The following RORA variants were observed in gnomAD, a reference collection of about 807,000 sequenced individuals.
RORA encodes nuclear receptor ROR-alpha.
RORA carries 7 observed loss-of-function variants against 69.5 expected under a neutral mutation model. The ratio of observed to expected loss-of-function variants is 0.10; its 90% CI spans 0.06 to 0.19. The LOEUF (loss-of-function observed/expected upper bound fraction) is 0.19. RORA is among the 10% of genes least tolerant of loss of function. RORA has a pLI of 1.00. For synonymous variants in RORA, 261 were observed against 240.8 expected (o/e 1.08, Z -0.78); for missense variants, 457 against 663.0 (o/e 0.69, Z 3.41).
intron 1 of RORA, among the ~76,000 whole-genome samples, chr15:60,898,531 A>ATAAC (rs61162718): frequency 6.6e-6 from 1 of 151,212 alleles, no homozygotes; most frequent in African/African-American, 2.4e-5. Context: ...AAATAAATAA[A>ATAAC]TAAATAAATA....
chr15:61,118,579 G>A (rs1184643074), intron 1 of RORA, among the ~76,000 whole-genome samples: 1 of 152,068 alleles, frequency 6.6e-6, no homozygotes, highest in Non-Finnish European at 1.5e-5. Flanking sequence ...ATTTAGGCAC[G>A]GGGCCCCGAG....
chr15:61,088,054 A>G (rs2078651495), intron 1 of RORA, among the ~76,000 whole-genome samples: 1 of 152,220 alleles, frequency 6.6e-6, no homozygotes, highest in African/African-American at 2.4e-5. Context: ...ATTCGGATCT[A>G]CAGAGGGTTA....
chr15:60,964,622 G>A (rs1446243300), intron 1 of RORA, among the ~76,000 whole-genome samples: 2 of 152,082 alleles, frequency 1.3e-5, no homozygotes, highest in Admixed American at 6.5e-5. Flanking sequence ...GCTGCCTTGT[G>A]GCAAATGCAG....
chr15:60,599,097 G>A (rs1292641651), intron 2 of RORA, among the ~76,000 whole-genome samples: 3 of 152,222 alleles, frequency 2.0e-5, no homozygotes, highest in African/African-American at 4.8e-5. Flanking sequence ...TGCCATGTAA[G>A]TCAAGAATAA....
intron 1 of RORA, among the ~76,000 whole-genome samples, chr15:60,871,426 A>T (rs1295319453): frequency 6.6e-6 from 1 of 152,240 alleles, no homozygotes; most frequent in Non-Finnish European, 1.5e-5. Context: ...GGAGAATGAC[A>T]TCTACATGAG....
intron 1 of RORA, among the ~76,000 whole-genome samples, chr15:61,069,350 G>A (rs1476974656): frequency 6.6e-6 from 1 of 152,124 alleles, no homozygotes; most frequent in Non-Finnish European, 1.5e-5. Context: ...AAATAAAATT[G>A]GGTGGAGAAT....
chr15:60,787,785 G>C (rs564381117), intron 1 of RORA, among the ~76,000 whole-genome samples: 2 of 152,352 alleles, frequency 1.3e-5, no homozygotes, highest in East Asian at 3.9e-4. Flanking sequence ...GAGAAACTCT[G>C]TGGGAAGAGC....
At chr15:61,025,270 G>T (rs1192603358) in intron 1 of RORA, among the ~76,000 whole-genome samples, 1 of 152,194 alleles carries the variant, frequency 6.6e-6, no homozygotes, top group Non-Finnish European at 1.5e-5. Flanking sequence ...ACACGTCTCT[G>T]TCCACGCCTG....
chr15:61,184,859 T>C (rs1384485854), intron 1 of RORA, among the ~76,000 whole-genome samples: 1 of 151,712 alleles, frequency 6.6e-6, no homozygotes, highest in Non-Finnish European at 1.5e-5. Flanking sequence ...GTGGCATGTG[T>C]CTGTAGTTGT....
intron 2 of RORA, chr15:60,558,430 A>T (rs767747150): frequency 3.3e-6 from 2 of 609,542 alleles, no homozygotes; most frequent in Non-Finnish European, 2.9e-6. Context: ...ATAATTTAAT[A>T]GATCTCATAC....
intron 1 of RORA, among the ~76,000 whole-genome samples, chr15:60,897,387 A>C (rs1891258979): frequency 6.6e-6 from 1 of 152,128 alleles, no homozygotes. Context: ...TCTCCATTTC[A>C]CTCCAGAATA....
chr15:61,105,567 T>C (rs1309851991), intron 1 of RORA, among the ~76,000 whole-genome samples: 2 of 152,220 alleles, frequency 1.3e-5, no homozygotes, highest in Middle Eastern at 3.2e-3. Context: ...ATTGGTTGAC[T>C]GTGCCTCAAC....
chr15:60,542,061 G>A (rs1351836665), intron 2 of RORA, among the ~76,000 whole-genome samples: 2 of 152,214 alleles, frequency 1.3e-5, no homozygotes, highest in Non-Finnish European at 2.9e-5. Flanking sequence ...TTGAGTGAGT[G>A]AGTGTGACAT....
chr15:61,200,254 T>C (rs1247024955), intron 1 of RORA, among the ~76,000 whole-genome samples: 1 of 152,156 alleles, frequency 6.6e-6, no homozygotes, highest in African/African-American at 2.4e-5. Context: ...TAGAAAGCTA[T>C]ATGGGGCTTC....
rs576511054 is a variant in RORA, at chr15:60,984,734, C to A, written c.166+244319G>T. 4.0e-5 allele frequency among the ~76,000 whole-genome samples: 6 copies of A among 151,146 alleles called. No individual in the cohort carries two copies. The South Asian group carries it at 1.0e-3, about 26-fold the overall frequency. ...AGCACTTTGACAATGGGGCACATAC[C>A]CTCCAAAGTGAAATGTGTTGTCTGT... On this transcript the variant is annotated intron_variant, in intron 1 of 10. Transcript: ENST00000335670.
intron 2 of RORA, among the ~76,000 whole-genome samples, chr15:60,539,333 C>T (rs1056057839): frequency 8.5e-5 from 13 of 152,218 alleles, no homozygotes; most frequent in Non-Finnish European, 1.9e-4. Context: ...CTAGATTAAG[C>T]TTTCTAGAGA....
intron 1 of RORA, among the ~76,000 whole-genome samples, chr15:61,085,048 C>A (rs2078602784): frequency 6.6e-6 from 1 of 152,144 alleles, no homozygotes; most frequent in African/African-American, 2.4e-5. Flanking sequence ...TCCCTCCCCC[C>A]TTGTTGCTAA....
At position 60,997,542 on chromosome 15, in the gene RORA, G is replaced by A. The variant is rs190340466; in HGVS notation, c.166+231511C>T. Among the ~76,000 whole-genome samples the A allele has an allele frequency of 8.0e-4, 122 of 152,160 alleles. 1 individual carries two copies. The highest frequency in any genetic ancestry group is 2.7e-3 in the African/African-American group (113 of 41,512). Reference sequence around the variant, plus strand: ...AATATTAAAAACATCTTCAAAAATTGTTTTTCCCCTGAGAATGGCTGCTTC... The same window carrying A: ...AATATTAAAAACATCTTCAAAAATTATTTTTCCCCTGAGAATGGCTGCTTC... On this transcript the variant is annotated intron_variant, in intron 1 of 10. Coordinates refer to ENST00000335670, the MANE Select transcript of RORA (RefSeq NM_134261.3).
At chr15:60,624,915 A>G (rs184881219) in intron 2 of RORA, among the ~76,000 whole-genome samples, 700 of 152,262 alleles carry the variant, frequency 4.6e-3, no homozygotes, top group Non-Finnish European at 8.0e-3. Context: ...AAGGCTTTGG[A>G]AAAATTAACC....
Sources: gnomAD v4.1 joint callset for allele counts (sites outside exome capture counted in the v4.1 genomes callset) on GRCh38, gnomAD v4.1.1 for gene constraint, MANE v1.5 for transcripts, NCBI Gene and HGNC (gene_info 2026-07-23, HGNC 2026-07-21) for gene names.